The following LRIG2 variants were observed in gnomAD, a reference collection of about 807,000 sequenced individuals.
The protein encoded by LRIG2 is leucine rich repeats and immunoglobulin like domains 2, also known as leucine-rich repeats and immunoglobulin-like domains protein 2.
In LRIG2, 93 loss-of-function variants were observed where a neutral mutation model predicts 107.8. The ratio of observed to expected loss-of-function variants is 0.86; its 90% CI spans 0.73 to 1.03. LRIG2 has a LOEUF of 1.03. Ranked by LOEUF, LRIG2 falls within the 50% of genes least tolerant of loss-of-function variation. The pLI is 0.00. For synonymous variants in LRIG2, 471 were observed against 470.6 expected (o/e 1.00, Z -0.01); for missense variants, 1,226 against 1,296.0 (o/e 0.95, Z 0.83).
intron 9 of LRIG2, 113 bp from the exon 10 acceptor site, chr1:113,100,098 T>C (rs1654241478): frequency 3.7e-6 from 2 of 546,870 alleles, no homozygotes; most frequent in Middle Eastern, 5.1e-4. Context: ...GTAAAGCTGT[T>C]AAGTATATAA....
At chr1:113,073,960 A>G (rs930708936) in intron 1 of LRIG2, among the ~76,000 whole-genome samples, 17 of 115,820 alleles carry the variant, frequency 1.5e-4, no homozygotes, top group Non-Finnish European at 2.3e-4. Context: ...GGGCACCAGC[A>G]TTGACTTTGG....
In LRIG2 at chr1:113,124,190, C is replaced by A; in HGVS notation, c.*89C>A. 1 of 1,136,862 alleles carries A rather than the reference C, an allele frequency of 8.8e-7. No individual in the cohort carries two copies. Among genetic ancestry groups the A allele is most frequent in the South Asian group, 1.4e-5 (1 of 72,312 alleles). 70.4% of individuals were successfully genotyped at this position (1,136,862 alleles called of 1,614,324 possible). On this transcript the variant is annotated 3_prime_UTR_variant, in exon 18 of 18. Coordinates refer to ENST00000361127, the MANE Select transcript of LRIG2 (RefSeq NM_014813.3). ...AGCTCAGAAGAAACTCCGAAGTCAGCATTTGCTTTACTCTTTCTTTATGAT... is the reference window on the plus strand; with the variant it reads ...AGCTCAGAAGAAACTCCGAAGTCAGAATTTGCTTTACTCTTTCTTTATGAT...
chr1:113,114,409 T>A lies in LRIG2; in HGVS notation c.2081-18T>A. The A allele has an allele frequency of 6.6e-7, 1 of 1,514,370 alleles. No individual in the cohort carries two copies. 93.8% of individuals were successfully genotyped at this position (1,514,370 alleles called of 1,614,324 possible). A position where few individuals can be genotyped will look rare whatever the true frequency, so the allele number is the denominator to read the frequency against. ...GCCTAACTTTTCATTTTTTTTTTTT[T>A]TAATGTTTTCCTGTTAGAGACACCC... On this transcript the variant is annotated intron_variant, in intron 14 of 17. Transcript: ENST00000361127.
At position 113,107,655 on chromosome 1, in the gene LRIG2, G is replaced by A. The variant is rs1459068623; in HGVS notation, c.1375G>A (p.Val459Ile). The A allele has an allele frequency of 5.0e-6, 8 of 1,613,832 alleles. No individual in the cohort carries two copies. Among genetic ancestry groups the A allele is most frequent in the Non-Finnish European group, 6.8e-6 (8 of 1,179,942 alleles). ...CHLKWLLQWL[V>I]DNNFQHSVNV... Reference sequence around the variant, plus strand: ...TTTGAAGTGGCTACTTCAATGGTTGGTTGATAATAACTTTCAACATTCTGT... The same window carrying A: ...TTTGAAGTGGCTACTTCAATGGTTGATTGATAATAACTTTCAACATTCTGT... Residue 459 changes from valine to isoleucine, a missense_variant, in exon 12 of 18, where the codon GTT becomes ATT. By Grantham distance (29) the Val-to-Ile change is conservative (BLOSUM62 3). Transcript: ENST00000361127.
At chr1:113,081,714 T>C (rs1308471019) in intron 1 of LRIG2, among the ~76,000 whole-genome samples, 2 of 151,900 alleles carry the variant, frequency 1.3e-5, no homozygotes, top group African/African-American at 2.4e-5. Context: ...AGAGATGGGG[T>C]TTTACCATGT....
rs368325211 is a variant in LRIG2, at chr1:113,094,431, G to A, written c.608G>A (p.Arg203Gln). ...SLLVVKLNRN[R>Q]MSMIPPKIFK... is the part of the protein sequence containing the mutation. ...TTAGTGGTAAAGTTAAACCGTAACC[G>A]AATGAGCATGATTCCACCTAAGATC... The change falls in exon 5 of 18, where the codon CGA becomes CAA. Residue 203 changes from arginine to glutamine, a missense_variant. Coordinates refer to ENST00000361127, the MANE Select transcript of LRIG2 (RefSeq NM_014813.3). 47 of 1,613,086 alleles carry A rather than the reference G, an allele frequency of 2.9e-5. No homozygotes were observed. The Admixed American group carries it at 3.2e-4, about 11-fold the overall frequency.
At chr1:113,082,973 A>G (rs960217336) in intron 1 of LRIG2, among the ~76,000 whole-genome samples, 9 of 149,510 alleles carry the variant, frequency 6.0e-5, no homozygotes, top group Non-Finnish European at 1.0e-4. Flanking sequence ...CAGTGTTGCA[A>G]TCATGGCTCA....
At chr1:113,098,319 C>T (rs1654154997) in intron 8 of LRIG2, among the ~76,000 whole-genome samples, 1 of 152,214 alleles carries the variant, frequency 6.6e-6, no homozygotes, top group South Asian at 2.1e-4. Context: ...TCCCATTAAT[C>T]TGAAATCAGA....
intron 17 of LRIG2, among the ~76,000 whole-genome samples, chr1:113,121,754 AAGAC>A (rs575680085): frequency 6.6e-6 from 1 of 151,802 alleles, no homozygotes; most frequent in Admixed American, 6.6e-5. Flanking sequence ...AAAAAAAAAA[AAGAC>A]AGGGTAGGAG....
Position 113,129,481 on chromosome 1 carries a change from T to C in LRIG2, c.*5380T>C, listed in dbSNP as rs887962276. The C allele has an allele frequency of 2.0e-5, 3 of 152,076 alleles. No homozygotes were observed. The highest frequency in any genetic ancestry group is 2.9e-5 in the Non-Finnish European group (2 of 68,022). 9.4% of individuals were successfully genotyped at this position (152,076 alleles called of 1,614,324 possible). Reference sequence around the variant, plus strand: ...GATATTCCTAGCTTGCCTAAATAACTAGTCAGCAATCTATTTAAATGTGAA... The same window carrying C: ...GATATTCCTAGCTTGCCTAAATAACCAGTCAGCAATCTATTTAAATGTGAA... On this transcript the variant is annotated 3_prime_UTR_variant, in exon 18 of 18. Coordinates refer to ENST00000361127, the MANE Select transcript of LRIG2 (RefSeq NM_014813.3).
intron 12 of LRIG2, 71 bp downstream of exon 12, chr1:113,107,828 C>T: frequency 7.3e-7 from 1 of 1,370,592 alleles, no homozygotes; most frequent in Non-Finnish European, 9.8e-7. Context: ...AAAATTAAAC[C>T]AGAATGGTTT....
intron 4 of LRIG2, among the ~76,000 whole-genome samples, chr1:113,093,807 G>A (rs998124138): frequency 7.9e-5 from 12 of 151,900 alleles, no homozygotes; most frequent in African/African-American, 2.7e-4. Context: ...ATAAAATAAA[G>A]CACATGTTTA....
At chr1:113,094,532 G>T (rs902451430) in intron 5 of LRIG2, 50 bp downstream of exon 5, 7 of 1,574,184 alleles carry the variant, frequency 4.4e-6, no homozygotes, top group Non-Finnish European at 6.0e-6. Context: ...TTCTTACAGG[G>T]TCTTTTTCTT....
Position 113,073,216 on chromosome 1 carries a change from A to G in LRIG2, c.-191A>G. ...GAGGGGCGGACGAGAGGTGTCCGTC[A>G]GGCCGTGTGTCCCAGGCCGTCGACC... On this transcript the variant is annotated 5_prime_UTR_variant, in exon 1 of 18. Coordinates refer to ENST00000361127, the MANE Select transcript of LRIG2 (RefSeq NM_014813.3). 1.7e-6 allele frequency: 1 copy of G among 595,184 alleles called. No individual in the cohort carries two copies. Among genetic ancestry groups the G allele is most frequent in the Admixed American group, 3.0e-5 (1 of 33,778 alleles). 36.9% of individuals were successfully genotyped at this position (595,184 alleles called of 1,614,324 possible).
chr1:113,077,481 A>C (rs1653034375), intron 1 of LRIG2, among the ~76,000 whole-genome samples: 1 of 152,218 alleles, frequency 6.6e-6, no homozygotes, highest in African/African-American at 2.4e-5. Flanking sequence ...ATTGGGAACC[A>C]GTGCTGTACT....
rs746457252 is a variant in LRIG2 at position 113,114,578 on chromosome 1, TGCTGCA to T, written c.2235_2240del (p.Ala746_Ala747del). 2 of 1,614,090 alleles carry T rather than the reference TGCTGCA, an allele frequency of 1.2e-6. No individual in the cohort carries two copies. The highest frequency in any genetic ancestry group is 2.2e-5 in the South Asian group (2 of 91,066). ...TGCTGGTGACAGAACGACATTTCTT[TGCTGCA>T]GCCAATCAGCTTCTCATCATTGTAG... On this transcript the variant is annotated inframe_deletion, in exon 15 of 18. Transcript: ENST00000361127.
intron 17 of LRIG2, among the ~76,000 whole-genome samples, chr1:113,121,567 C>T (rs930619892): frequency 6.6e-6 from 1 of 151,840 alleles, no homozygotes; most frequent in Non-Finnish European, 1.5e-5. Context: ...CATGGTGAAA[C>T]CCCATCTCTT....
chr1:113,114,815 C>A lies in LRIG2; in HGVS notation c.2469C>A (p.Ile823=), dbSNP rs753018088. Residue 823 remains isoleucine, a synonymous_variant, in exon 15 of 18, where the codon ATC becomes ATA. Transcript: ENST00000361127. ...VVCCVVGTSL[I]WVIVIYHMRR... Reference sequence around the variant, plus strand: ...GCTGTGTTGTTGGCACTTCTTTGATCTGGGTCATTGTTATTTACCACATGA... The same window carrying A: ...GCTGTGTTGTTGGCACTTCTTTGATATGGGTCATTGTTATTTACCACATGA... 1.9e-6 allele frequency: 3 copies of A among 1,613,894 alleles called. No homozygotes were observed. The highest frequency in any genetic ancestry group is 1.7e-5 in the Admixed American group (1 of 59,984).
chr1:113,107,402 T>C (rs562246666), intron 11 of LRIG2, among the ~76,000 whole-genome samples, 192 bp from the exon 12 acceptor site: 1 of 152,186 alleles, frequency 6.6e-6, no homozygotes, highest in African/African-American at 2.4e-5. Flanking sequence ...TTCCCCTCTC[T>C]TTTTTTAGTG....
Sources: gnomAD v4.1 joint callset for allele counts (sites outside exome capture counted in the v4.1 genomes callset) on GRCh38, gnomAD v4.1.1 for gene constraint, MANE v1.5 for transcripts, NCBI Gene and HGNC (gene_info 2026-07-23, HGNC 2026-07-21) for gene names.